Variants in MORC1 observed in about 807,000 individuals in gnomAD.
MORC1 encodes MORC family CW-type zinc finger 1, also known as MORC family CW-type zinc finger protein 1.
In MORC1, 59 loss-of-function variants were observed where a neutral mutation model predicts 134.9. The ratio of observed to expected loss-of-function variants is 0.44; its 90% CI spans 0.35 to 0.54. MORC1 has a LOEUF of 0.54. Ranked by LOEUF, MORC1 falls within the 20% of genes least tolerant of loss-of-function variation. The pLI, the probability that MORC1 is intolerant of heterozygous loss-of-function variation, is 0.00. For missense variants in MORC1, 947 were observed against 1,134.5 expected, an observed-to-expected ratio of 0.83 and a Z score of 2.37; for synonymous variants, 395 against 391.7, an observed-to-expected ratio of 1.01 and a Z score of -0.10.
chr3:108,984,884 A>G, intron 22 of MORC1, 102 bp from the exon 23 acceptor site: 4 of 778,804 alleles, frequency 5.1e-6, no homozygotes, highest in Non-Finnish European at 6.0e-6. Context: ...TATAATATGG[A>G]TTTGTATTGA....
chr3:109,077,727 A>C (rs996454518), intron 8 of MORC1, among the ~76,000 whole-genome samples: 4 of 152,110 alleles, frequency 2.6e-5, no homozygotes, highest in African/African-American at 9.6e-5. Context: ...ACAACAAAAG[A>C]AGCAAGGCAA....
Position 108,968,391 on chromosome 3 carries a change from A to G in MORC1, c.2604+1278T>C, listed in dbSNP as rs574925323. 5.6e-4 allele frequency among the ~76,000 whole-genome samples: 86 copies of G among 152,350 alleles called. 2 individuals carry two copies. Among genetic ancestry groups the G allele is most frequent in the African/African-American group, 1.9e-3 (77 of 41,592 alleles). ...AACAAGGGTTGTTAAATTTAGGCCC[A>G]GTCTGAACTTTAAATACTGTGTGAT... is the stretch of plus-strand genomic sequence containing the variant. On this transcript the variant is annotated intron_variant, in intron 26 of 27. Coordinates refer to ENST00000232603, the MANE Select transcript of MORC1 (RefSeq NM_014429.4).
chr3:108,973,597 T>G (rs71321283), intron 24 of MORC1, among the ~76,000 whole-genome samples: 1 of 58,760 alleles, frequency 1.7e-5, no homozygotes, highest in African/African-American at 7.0e-5. Context: ...TTGTTTTGGT[T>G]TTTTTTTTTT....
chr3:109,062,034 T>G lies in MORC1; in HGVS notation c.920A>C (p.Gln307Pro), dbSNP rs1436237432. ...KIAESILKEA[Q>P]IKVNQCDRTS... ...TCTGTCACACTGGTTTACTTTGATT[T>G]GTGCTTCTTTCAATATGGATTCAGC... The change falls in exon 11 of 28, where the codon CAA becomes CCA. Residue 307 changes from glutamine (Q) to proline (P), a missense_variant. This residue lies in a region of MORC1 where 722 missense variants were observed against 817.0 expected (regional missense o/e 0.88). Coordinates refer to ENST00000232603, the MANE Select transcript of MORC1 (RefSeq NM_014429.4). The G allele has an allele frequency of 1.2e-6, 2 of 1,614,076 alleles. No homozygotes were observed.
At chr3:109,043,497 T>A (rs958831583) in intron 14 of MORC1, among the ~76,000 whole-genome samples, 1 of 152,132 alleles carries the variant, frequency 6.6e-6, no homozygotes, top group African/African-American at 2.4e-5. Flanking sequence ...TAGTGACAGT[T>A]GTACAGCATT....
intron 21 of MORC1, among the ~76,000 whole-genome samples, chr3:108,995,048 G>T (rs1948162003): frequency 6.6e-6 from 1 of 152,256 alleles, no homozygotes; most frequent in Non-Finnish European, 1.5e-5. Context: ...CACCTGATCA[G>T]AGTGCATCAC....
intron 8 of MORC1, among the ~76,000 whole-genome samples, chr3:109,091,347 G>A (rs868604082): frequency 3.3e-5 from 5 of 151,918 alleles, no homozygotes; most frequent in Non-Finnish European, 5.9e-5. Flanking sequence ...GGGAGGCTGA[G>A]GGATGAGAAT....
chr3:109,054,206 G>A (rs1164549891), intron 14 of MORC1, among the ~76,000 whole-genome samples: 3 of 151,770 alleles, frequency 2.0e-5, no homozygotes, highest in Non-Finnish European at 4.4e-5. Context: ...GCTTGAACCA[G>A]GGAGATAGAG....
intron 8 of MORC1, among the ~76,000 whole-genome samples, chr3:109,090,019 A>C (rs994478905): frequency 6.6e-6 from 1 of 152,170 alleles, no homozygotes; most frequent in Admixed American, 6.5e-5. Context: ...TCATATTCAC[A>C]ATTTCAAAAT....
intron 3 of MORC1, among the ~76,000 whole-genome samples, chr3:109,106,538 A>G (rs1467658926): frequency 6.6e-6 from 1 of 152,162 alleles, no homozygotes; most frequent in Non-Finnish European, 1.5e-5. Flanking sequence ...AAAACAAAAC[A>G]AACACCTCCT....
Position 109,100,514 on chromosome 3 carries a change from T to C in MORC1, c.224-7A>G, listed in dbSNP as rs1314520216. On this transcript the variant is annotated splice_region_variant and splice_polypyrimidine_tract_variant and intron_variant, in intron 4 of 27. Transcript: ENST00000232603. The stretch of plus-strand genomic sequence containing the variant: ...ATGATGTCTGAAGCTTCCTCTGTAA[T>C]TGACAGTGACTTTTAAGGTGGTTAG... 1.2e-6 allele frequency: 2 copies of C among 1,607,116 alleles called. No individual in the cohort carries two copies. The highest frequency in any genetic ancestry group is 1.7e-6 in the Non-Finnish European group (2 of 1,174,064).
chr3:108,964,169 T>C (rs976447375), intron 26 of MORC1, among the ~76,000 whole-genome samples: 1 of 152,236 alleles, frequency 6.6e-6, no homozygotes, highest in African/African-American at 2.4e-5. Context: ...TAGTTATGTA[T>C]ATGACCCTCA....
Position 109,040,427 on chromosome 3 carries a change from G to GGAAGGAAGGAAGGAAGGAAA in MORC1, c.1331-4960_1331-4959insTTTCCTTCCTTCCTTCCTTC, listed in dbSNP as rs1248788787. On this transcript the variant is annotated intron_variant, in intron 14 of 27. Coordinates refer to ENST00000232603, the MANE Select transcript of MORC1 (RefSeq NM_014429.4). Reference sequence around the variant, plus strand: ...GAGAAGGAAGGAAGGAAGGAAGGAAGGAAAGAAAGAAAGAAAGAAAGAAAG... The same window carrying GGAAGGAAGGAAGGAAGGAAA: ...GAGAAGGAAGGAAGGAAGGAAGGAAGGAAGGAAGGAAGGAAGGAAAGAAAGAAAGAAAGAAAGAAAGAAAG... 5.8e-4 allele frequency among the ~76,000 whole-genome samples: 28 copies of GGAAGGAAGGAAGGAAGGAAA among 48,388 alleles called. 1 individual carries two copies. Among genetic ancestry groups the GGAAGGAAGGAAGGAAGGAAA allele is most frequent in the South Asian group, 1.0e-3 (1 of 982 alleles). The allele number at this position is 48,388 out of a possible 152,430, so 31.7% of individuals were successfully genotyped here.
At chr3:109,023,703 G>A (rs1029156548) in intron 17 of MORC1, among the ~76,000 whole-genome samples, 1 of 152,116 alleles carries the variant, frequency 6.6e-6, no homozygotes, top group Non-Finnish European at 1.5e-5. Context: ...ATTTGAGAAC[G>A]GAGAGGTCCT....
Position 109,093,405 on chromosome 3 carries a change from T to C in MORC1, c.689+31A>G, listed in dbSNP as rs770411157. 7.1e-6 allele frequency: 11 copies of C among 1,552,654 alleles called. No homozygotes were observed. The South Asian group carries it at 9.0e-5, about 13-fold the overall frequency. On this transcript the variant is annotated intron_variant, in intron 8 of 27. Coordinates refer to ENST00000232603, the MANE Select transcript of MORC1 (RefSeq NM_014429.4). Reference sequence around the variant, plus strand: ...TCCTAACTCTAGCTCACCACCATTGTTGAAAAACATTCTGTCAAACACACA... The same window carrying C: ...TCCTAACTCTAGCTCACCACCATTGCTGAAAAACATTCTGTCAAACACACA...
chr3:109,063,322 G>T, intron 9 of MORC1, 91 bp from the exon 10 acceptor site: 1 of 688,560 alleles, frequency 1.5e-6, no homozygotes, highest in Non-Finnish European at 2.3e-6. Context: ...ATGCTCCAGA[G>T]ATACATAATT....
At chr3:108,993,708 C>T (rs1439134867) in intron 21 of MORC1, among the ~76,000 whole-genome samples, 1 of 152,130 alleles carries the variant, frequency 6.6e-6, no homozygotes, top group East Asian at 1.9e-4. Flanking sequence ...TTTAAAAAGG[C>T]ATTCTGTTGG....
At chr3:109,055,622 C>T (rs1416824942) in intron 13 of MORC1, among the ~76,000 whole-genome samples, 1 of 152,184 alleles carries the variant, frequency 6.6e-6, no homozygotes, top group African/African-American at 2.4e-5. Flanking sequence ...TGCTCTACTG[C>T]CCCTCCTAAA....
At chr3:109,080,364 C>T (rs1950499717) in intron 8 of MORC1, among the ~76,000 whole-genome samples, 1 of 152,100 alleles carries the variant, frequency 6.6e-6, no homozygotes, top group South Asian at 2.1e-4. Flanking sequence ...CACAAGAACA[C>T]CACAGCAAAG....
Sources: allele counts gnomAD v4.1 joint callset (sites outside exome capture counted in the v4.1 genomes callset), GRCh38; gene constraint gnomAD v4.1.1; regional missense constraint gnomAD v4.1.1; transcripts MANE v1.5; gene names NCBI Gene and HGNC (gene_info 2026-07-23, HGNC 2026-07-21).